Variants in IL1RAPL2 observed in about 807,000 individuals in gnomAD.
IL1RAPL2 encodes the protein X-linked interleukin-1 receptor accessory protein-like 2.
In IL1RAPL2, 3 loss-of-function variants were observed where a neutral mutation model predicts 44.1. The observed-to-expected ratio is 0.07, with a 90% CI of 0.03 to 0.18. The LOEUF is 0.18. Among genes scored for constraint, IL1RAPL2 ranks in the 10% least tolerant of loss-of-function variants. The probability of loss-of-function intolerance (pLI) is 1.00; values close to 1 mark genes in which losing one functional copy is unlikely to be tolerated. For synonymous variants in IL1RAPL2, 181 were observed against 178.8 expected (o/e 1.01, Z -0.10); for missense variants, 391 against 496.4 (o/e 0.79, Z 2.02).
intron 2 of IL1RAPL2, among the ~76,000 whole-genome samples, chrX:104,672,819 G>A (rs1215896918): frequency 1.8e-5 from 2 of 110,733 alleles, no homozygotes; most frequent in Non-Finnish European, 3.8e-5. Flanking sequence ...TCTCATTGTG[G>A]TTTTGATTTG....
intron 5 of IL1RAPL2, among the ~76,000 whole-genome samples, chrX:105,314,537 GACTT>G (rs1415032505): frequency 8.9e-6 from 1 of 111,784 alleles, no homozygotes; most frequent in East Asian, 2.8e-4. Context: ...GTTCTCCTTT[GACTT>G]ACTATATCAT....
chrX:105,044,931 G>C (rs1057102459), intron 2 of IL1RAPL2, among the ~76,000 whole-genome samples: 5 of 111,341 alleles, frequency 4.5e-5, no homozygotes, highest in African/African-American at 1.6e-4. Context: ...TCCATACTCA[G>C]TTTCCAGAAA....
intron 2 of IL1RAPL2, among the ~76,000 whole-genome samples, chrX:105,143,435 T>G (rs1335514158): frequency 9.0e-6 from 1 of 111,636 alleles, no homozygotes; most frequent in Non-Finnish European, 1.9e-5. Flanking sequence ...CATTAAAAAG[T>G]CAGGAAACAA....
intron 2 of IL1RAPL2, among the ~76,000 whole-genome samples, chrX:105,012,643 TCTCACA>T (rs1258065478): frequency 6.8e-4 from 42 of 61,320 alleles, no homozygotes; most frequent in Non-Finnish European, 9.8e-4. Flanking sequence ...TCTCTCTCTC[TCTCACA>T]CACACACACA....
chrX:104,699,751 A>G (rs770181864), intron 2 of IL1RAPL2, among the ~76,000 whole-genome samples: 2 of 111,509 alleles, frequency 1.8e-5, no homozygotes, highest in Non-Finnish European at 3.8e-5. Context: ...TATATTATCT[A>G]TGTCTACTTT....
chrX:104,952,671 G>C (rs1053262905), intron 2 of IL1RAPL2, among the ~76,000 whole-genome samples: 1 of 111,470 alleles, frequency 9.0e-6, no homozygotes, highest in Non-Finnish European at 1.9e-5. Flanking sequence ...AAAGATAGGT[G>C]TTTTTCATAT....
At chrX:105,611,191 C>G (rs1466556069) in intron 6 of IL1RAPL2, among the ~76,000 whole-genome samples, 3 of 111,719 alleles carry the variant, frequency 2.7e-5, no homozygotes, top group African/African-American at 9.7e-5. Flanking sequence ...TTTTGTACAG[C>G]TATACAATGT....
At chrX:105,405,114 T>G (rs1344565448) in intron 5 of IL1RAPL2, among the ~76,000 whole-genome samples, 1 of 111,831 alleles carries the variant, frequency 8.9e-6, no homozygotes, top group East Asian at 2.8e-4. Flanking sequence ...TAAGGTTTGA[T>G]TTTGTAGACA....
At chrX:104,611,494 C>T (rs759942133) in intron 1 of IL1RAPL2, among the ~76,000 whole-genome samples, 5 of 110,794 alleles carry the variant, frequency 4.5e-5, no homozygotes, top group African/African-American at 9.9e-5. Context: ...ACGCCCCTCC[C>T]GTCTCCAAGC....
chrX:105,596,925 A>G (rs2037215430), intron 6 of IL1RAPL2, among the ~76,000 whole-genome samples: 1 of 112,014 alleles, frequency 8.9e-6, no homozygotes. Flanking sequence ...TTTTTTGGAT[A>G]GGACACCAAA....
intron 2 of IL1RAPL2, among the ~76,000 whole-genome samples, chrX:104,707,949 C>A (rs1472309780): frequency 8.9e-6 from 1 of 111,767 alleles, no homozygotes; most frequent in African/African-American, 3.2e-5. Flanking sequence ...ACTTGTCACC[C>A]TCCCCACTAT....
intron 2 of IL1RAPL2, among the ~76,000 whole-genome samples, chrX:105,016,260 CAG>C (rs1392448656): frequency 1.3e-4 from 14 of 111,660 alleles, no homozygotes; most frequent in African/African-American, 4.5e-4. Context: ...TATCTGGAAA[CAG>C]AGACAATTTG....
At chrX:105,510,854 G>T (rs375612960) in intron 6 of IL1RAPL2, among the ~76,000 whole-genome samples, 5 of 111,319 alleles carry the variant, frequency 4.5e-5, no homozygotes, top group Non-Finnish European at 9.4e-5. Flanking sequence ...CTTGATTTTC[G>T]CCCCAGACTT....
chrX:105,610,542 A>G (rs115553374), intron 6 of IL1RAPL2, among the ~76,000 whole-genome samples: 1,162 of 111,860 alleles, frequency 0.01, 24 homozygotes, highest in African/African-American at 0.036. Flanking sequence ...TTTGTTTTGT[A>G]TATAAGTCAT....
chrX:104,844,993 G>GA (rs1415683096), intron 2 of IL1RAPL2, among the ~76,000 whole-genome samples: 2 of 111,661 alleles, frequency 1.8e-5, no homozygotes, highest in Admixed American at 9.5e-5. Context: ...TCACTTCTCA[G>GA]AAAAAACTCT....
intron 2 of IL1RAPL2, among the ~76,000 whole-genome samples, chrX:104,919,086 T>C (rs1924548688): frequency 9.0e-6 from 1 of 111,438 alleles, no homozygotes; most frequent in African/African-American, 3.3e-5. Flanking sequence ...CATGAATATG[T>C]TTCAAGCATG....
chrX:104,857,492 C>T (rs1602762885), intron 2 of IL1RAPL2, among the ~76,000 whole-genome samples: 2 of 111,931 alleles, frequency 1.8e-5, no homozygotes, highest in South Asian at 3.7e-4. Flanking sequence ...CTAAAAAGAA[C>T]ATGCAATCCC....
At chrX:105,323,797 G>A (rs1388985910) in intron 5 of IL1RAPL2, among the ~76,000 whole-genome samples, 1 of 109,613 alleles carries the variant, frequency 9.1e-6, no homozygotes, top group African/African-American at 3.3e-5. Context: ...AATCACTTGC[G>A]CTCAGGAGGT....
intron 2 of IL1RAPL2, among the ~76,000 whole-genome samples, chrX:104,960,216 T>G (rs1217103332): frequency 8.9e-6 from 1 of 112,013 alleles, no homozygotes; most frequent in Non-Finnish European, 1.9e-5. Context: ...CTTGTGAGGT[T>G]AACTCTAGAA....
Sources: allele counts gnomAD v4.1 joint callset (sites outside exome capture counted in the v4.1 genomes callset), GRCh38; gene constraint gnomAD v4.1.1; transcripts MANE v1.5; gene names NCBI Gene and HGNC (gene_info 2026-07-23, HGNC 2026-07-21).